TTLL10: variants seen among roughly 807,000 people sequenced by gnomAD.
The protein encoded by TTLL10 is inactive polyglycylase TTLL10.
A neutral mutation model predicts 69.0 loss-of-function variants in TTLL10; 61 were observed. The observed-to-expected ratio is 0.88, with a 90% CI of 0.72 to 1.09. The LOEUF is 1.09. Ranked by LOEUF, TTLL10 falls within the 50% of genes least tolerant of loss-of-function variation. The pLI is 0.00. For missense variants in TTLL10, 962 were observed against 945.9 expected, an observed-to-expected ratio of 1.02 and a Z score of -0.22; for synonymous variants, 408 against 393.3, an observed-to-expected ratio of 1.04 and a Z score of -0.44.
At position 1,179,170 on chromosome 1, in the gene TTLL10, A is replaced by C; in HGVS notation, c.-27-19A>C. On this transcript the variant is annotated intron_variant, in intron 3 of 15. Coordinates refer to ENST00000379289, the MANE Select transcript of TTLL10 (RefSeq NM_001130045.2). ...CGCGGAGGTCCCACAGGAGGGTCAGAGCGGCATCTTCCCTTCAGGGCCCTC... is the reference window on the plus strand; with the variant it reads ...CGCGGAGGTCCCACAGGAGGGTCAGCGCGGCATCTTCCCTTCAGGGCCCTC... The C allele has an allele frequency of 6.8e-7, 1 of 1,466,698 alleles. No homozygotes were observed. Among genetic ancestry groups the C allele is most frequent in the Non-Finnish European group, 9.1e-7 (1 of 1,093,664 alleles). The allele number at this position is 1,466,698 out of a possible 1,614,324, so 90.9% of individuals were successfully genotyped here. A position where few individuals can be genotyped will look rare whatever the true frequency, so the allele number is the denominator to read the frequency against.
chr1:1,193,589 T>G (rs1301384346), intron 13 of TTLL10, among the ~76,000 whole-genome samples: 4 of 150,642 alleles, frequency 2.7e-5, no homozygotes, highest in Middle Eastern at 3.2e-3. Context: ...TCAGCCTCCC[T>G]AGTAGCTGGG....
intron 13 of TTLL10, among the ~76,000 whole-genome samples, chr1:1,193,141 C>T (rs61766178): frequency 0.24 from 37,178 of 151,996 alleles, 5,677 homozygotes; most frequent in East Asian, 0.74. Context: ...CTGGCTAACA[C>T]GGTGAAACCC....
intron 13 of TTLL10, among the ~76,000 whole-genome samples, chr1:1,193,675 G>A (rs2100918728): frequency 6.6e-6 from 1 of 152,174 alleles, no homozygotes; most frequent in South Asian, 2.1e-4. Flanking sequence ...ATGTTGGCCA[G>A]GCTGATCTCA....
intron 13 of TTLL10, among the ~76,000 whole-genome samples, chr1:1,187,039 G>A (rs1439120023): frequency 1.3e-5 from 2 of 151,240 alleles, no homozygotes; most frequent in Non-Finnish European, 2.9e-5. Context: ...GTAGAGACAG[G>A]GTTTCACCGT....
Position 1,185,796 on chromosome 1 carries a change from T to C in TTLL10, c.1401+687T>C, listed in dbSNP as rs1338044394. ...AGCGCTCAGAGGAGCCTCCAGTTAC[T>C]TTCCTCACATCTCCCAAACTCTCTC... On this transcript the variant is annotated intron_variant, in intron 13 of 15. Transcript: ENST00000379289. This position sits in a 1 kb window ranked among gnomAD's most constrained non-coding sequence, Gnocchi z 6.1. 2 of 985,364 alleles carry C rather than the reference T, an allele frequency of 2.0e-6. No homozygotes were observed. The highest frequency in any genetic ancestry group is 2.4e-6 in the Non-Finnish European group (2 of 829,948). The allele number at this position is 985,364 out of a possible 1,614,324, so 61.0% of individuals were successfully genotyped here.
At position 1,185,365 on chromosome 1, in the gene TTLL10, G is replaced by A. The variant is rs557288327; in HGVS notation, c.1401+256G>A. Reference sequence around the variant, plus strand: ...CGGCACGAGTCCCGCGGGCAGCCTCGCCGTAGGGTCAGGGGACAGCTCGGC... The same window carrying A: ...CGGCACGAGTCCCGCGGGCAGCCTCACCGTAGGGTCAGGGGACAGCTCGGC... On this transcript the variant is annotated intron_variant, in intron 13 of 15. Coordinates refer to ENST00000379289, the MANE Select transcript of TTLL10 (RefSeq NM_001130045.2). The surrounding 1 kb of genome is among the most constrained non-coding windows in gnomAD (Gnocchi z 6.1). The A allele has an allele frequency of 1.1e-4, 148 of 1,346,956 alleles. No homozygotes were observed. The highest frequency in any genetic ancestry group is 4.8e-4 in the Admixed American group (14 of 29,038). 83.4% of individuals were successfully genotyped at this position (1,346,956 alleles called of 1,614,324 possible). A position where few individuals can be genotyped will look rare whatever the true frequency, so the allele number is the denominator to read the frequency against.
Position 1,182,895 on chromosome 1 carries a change from C to T in TTLL10, c.936C>T (p.Cys312=), listed in dbSNP as rs61733845. The T allele has an allele frequency of 0.076, 121,458 of 1,588,350 alleles. 10,387 individuals carry two copies. Among genetic ancestry groups the T allele is most frequent in the African/African-American group, 0.39 (28,963 of 74,322 alleles). ...TLFDETQIWI[C]KPTASNQGKG... Reference sequence around the variant, plus strand: ...CTGCAGAAACCCAGATATGGATCTGCAAGCCCACAGCCTCCAACCAGGGCA... The same window carrying T: ...CTGCAGAAACCCAGATATGGATCTGTAAGCCCACAGCCTCCAACCAGGGCA... The change falls in exon 11 of 16, where the codon TGC becomes TGT. Residue 312 remains cysteine, a synonymous_variant. Coordinates refer to ENST00000379289, the MANE Select transcript of TTLL10 (RefSeq NM_001130045.2).
intron 13 of TTLL10, among the ~76,000 whole-genome samples, chr1:1,194,149 C>T (rs1055069348): frequency 3.9e-5 from 6 of 152,142 alleles, no homozygotes; most frequent in Non-Finnish European, 8.8e-5. Context: ...GAACAAGACC[C>T]TGTTTCTAAA....
Position 1,182,380 on chromosome 1 carries a change from T to C in TTLL10, c.850T>C (p.Phe284Leu). Residue 284 changes from phenylalanine (F) to leucine (L), a missense_variant, in exon 10 of 16, where the codon TTT (phenylalanine) becomes CTT (leucine). Physicochemically the swap from Phe to Leu is conservative, Grantham distance 22. Coordinates refer to ENST00000379289, the MANE Select transcript of TTLL10 (RefSeq NM_001130045.2). ...CTGCAGGGTCCTGAGAATGGAAGAGTTTTTCCCAGAGACCTACCGCCTGGA... is the reference window on the plus strand; with the variant it reads ...CTGCAGGGTCCTGAGAATGGAAGAGCTTTTCCCAGAGACCTACCGCCTGGA... ...RPQRVLRMEE[F>L]FPETYRLDLK... 6.2e-7 allele frequency: 1 copy of C among 1,612,492 alleles called. No individual in the cohort carries two copies. The highest frequency in any genetic ancestry group is 1.1e-5 in the South Asian group (1 of 91,010).
intron 13 of TTLL10, among the ~76,000 whole-genome samples, chr1:1,191,379 C>A (rs1362122700): frequency 6.6e-6 from 1 of 152,050 alleles, no homozygotes; most frequent in Non-Finnish European, 1.5e-5. Context: ...ATTGCTTAAG[C>A]CCAGGAGTTT....
Position 1,184,078 on chromosome 1 carries a change from A to T in TTLL10, c.1247A>T (p.His416Leu), listed in dbSNP as rs1386661978. ...CCCCATTCCAGCGACCTCGGCGGCC[A>T]CTTGACCAACCAGGTGAGTCTGCCA... ...YDPHSSDLGG[H>L]LTNQFMQKKS... The change falls in exon 12 of 16, where the codon CAC becomes CTC. Residue 416 changes from histidine (H) to leucine (L), a missense_variant. Transcript: ENST00000379289. The T allele has an allele frequency of 6.2e-7, 1 of 1,614,116 alleles. No homozygotes were observed. Among genetic ancestry groups the T allele is most frequent in the Admixed American group, 1.7e-5 (1 of 60,020 alleles).
chr1:1,180,653 G>T, intron 7 of TTLL10, 52 bp downstream of exon 7: 1 of 1,555,468 alleles, frequency 6.4e-7, no homozygotes, highest in Non-Finnish European at 8.7e-7. Context: ...CTCCTGGGCC[G>T]GAGCACAGGG....
intron 3 of TTLL10, among the ~76,000 whole-genome samples, chr1:1,177,370 G>A (rs1313832054): frequency 6.6e-6 from 1 of 151,996 alleles, no homozygotes; most frequent in Admixed American, 6.6e-5. Flanking sequence ...GGAGTGCAGT[G>A]GCACGATCTC....
rs1249091464 is a variant in TTLL10, at chr1:1,197,608, TC to T, written c.1785del (p.Ser596ProfsTer?). On this transcript the variant is annotated frameshift_variant, in exon 16 of 16. Coordinates refer to ENST00000379289, the MANE Select transcript of TTLL10 (RefSeq NM_001130045.2). LOFTEE classifies it high-confidence loss of function. ...WPPLPTRQAK[S>X]SGPPMPHAPD... The stretch of plus-strand genomic sequence containing the variant: ...GCCCCTGCCCACCCGCCAGGCCAAG[TC>T]CTCCGGGCCACCCATGCCGCATGCC... The T allele has an allele frequency of 2.7e-5, 41 of 1,512,706 alleles. No individual in the cohort carries two copies. The highest frequency in any genetic ancestry group is 4.2e-5 in the Admixed American group (2 of 47,224). 93.7% of individuals were successfully genotyped at this position (1,512,706 alleles called of 1,614,324 possible).
At chr1:1,197,339 ACACCTCAGCT>A in intron 15 of TTLL10, 89 bp from the exon 16 acceptor site, 1 of 942,412 alleles carries the variant, frequency 1.1e-6, no homozygotes, top group Non-Finnish European at 1.4e-6. Flanking sequence ...AACCTTCCCC[ACACCTCAGCT>A]CACCTGGGTC....
At chr1:1,186,094 T>A (rs1289712637) in intron 13 of TTLL10, among the ~76,000 whole-genome samples, 1 of 143,348 alleles carries the variant, frequency 7.0e-6, no homozygotes, top group Non-Finnish European at 1.5e-5. Context: ...TTTCTTTTCT[T>A]TTTTTTTTTT....
chr1:1,192,561 G>A (rs766385581), intron 13 of TTLL10, among the ~76,000 whole-genome samples: 3 of 151,414 alleles, frequency 2.0e-5, no homozygotes, highest in Non-Finnish European at 4.4e-5. Flanking sequence ...TGGTATGAGT[G>A]TAGACAATCC....
chr1:1,188,405 A>T (rs1419489487), intron 13 of TTLL10, among the ~76,000 whole-genome samples: 4 of 140,360 alleles, frequency 2.8e-5, no homozygotes, highest in South Asian at 2.3e-4. Context: ...GTCCAATGAA[A>T]TTTTTTTTTT....
At chr1:1,187,296 T>C (rs1455443869) in intron 13 of TTLL10, among the ~76,000 whole-genome samples, 1 of 152,160 alleles carries the variant, frequency 6.6e-6, no homozygotes, top group East Asian at 1.9e-4. Context: ...AGTTTATCCA[T>C]TTTTTTCCTT....
Sources: allele counts gnomAD v4.1 joint callset (sites outside exome capture counted in the v4.1 genomes callset), GRCh38; gene constraint gnomAD v4.1.1; non-coding constraint Gnocchi (gnomAD v3.1); transcripts MANE v1.5; gene names NCBI Gene and HGNC (gene_info 2026-07-23, HGNC 2026-07-21).